Variants in ZC3H12B observed in about 807,000 individuals in gnomAD.
The protein encoded by ZC3H12B is probable ribonuclease ZC3H12B.
A neutral mutation model predicts 43.9 loss-of-function variants in ZC3H12B; 7 were observed. The ratio of observed to expected loss-of-function variants is 0.16; its 90% CI spans 0.09 to 0.30. The LOEUF (loss-of-function observed/expected upper bound fraction) is 0.30, where lower values mean the gene tolerates loss of function less well. ZC3H12B is among the 10% of genes least tolerant of loss of function. The pLI is 1.00. For missense variants in ZC3H12B, 475 were observed against 670.2 expected, an observed-to-expected ratio of 0.71 and a Z score of 3.22; for synonymous variants, 222 against 241.7, an observed-to-expected ratio of 0.92 and a Z score of 0.76.
chrX:65,058,670 A>C, the ZC3H12B span, among the ~76,000 whole-genome samples: 2 of 112,137 alleles, frequency 1.8e-5, no homozygotes, highest in East Asian at 5.6e-4. Flanking sequence ...CCCTGCCCAC[A>C]GAGGTGGAGT....
At chrX:65,278,903 G>T in the ZC3H12B span, among the ~76,000 whole-genome samples, 5 of 109,034 alleles carry the variant, frequency 4.6e-5, no homozygotes, top group South Asian at 4.0e-4. Context: ...GCAGTATTTG[G>T]TTTTCTATTT....
the ZC3H12B span, among the ~76,000 whole-genome samples, chrX:65,066,643 C>T: frequency 5.4e-5 from 6 of 112,137 alleles, no homozygotes; most frequent in African/African-American, 1.9e-4. Flanking sequence ...AGGTGGCAGT[C>T]TGTCCCTTAG....
chrX:65,342,419 T>C, the ZC3H12B span, among the ~76,000 whole-genome samples: 2 of 111,834 alleles, frequency 1.8e-5, no homozygotes, highest in East Asian at 5.6e-4. Context: ...CATAAAACAC[T>C]CTTTAGCAAA....
the ZC3H12B span, among the ~76,000 whole-genome samples, chrX:65,245,241 G>T: frequency 9.0e-6 from 1 of 111,370 alleles, no homozygotes; most frequent in Admixed American, 9.6e-5. Context: ...TGAAATTGAG[G>T]CAGTAAAAAA....
chrX:65,460,357 A>G (rs2067720139), intron 3 of ZC3H12B, among the ~76,000 whole-genome samples: 1 of 112,126 alleles, frequency 8.9e-6, no homozygotes, highest in African/African-American at 3.2e-5. Context: ...GGAAAAAGCT[A>G]CTTTAAAGTT....
the ZC3H12B span, among the ~76,000 whole-genome samples, chrX:65,291,331 C>T: frequency 2.1e-4 from 23 of 111,753 alleles, no homozygotes; most frequent in Admixed American, 1.5e-3. Context: ...GTGATTTTAA[C>T]GAGATATTTT....
chrX:65,161,206 A>G, the ZC3H12B span, among the ~76,000 whole-genome samples: 245 of 110,899 alleles, frequency 2.2e-3, no homozygotes, highest in Non-Finnish European at 3.9e-3. Context: ...TGGAATAGGT[A>G]TGGTGTGATG....
At chrX:65,214,756 G>T in the ZC3H12B span, among the ~76,000 whole-genome samples, 4 of 111,794 alleles carry the variant, frequency 3.6e-5, no homozygotes, top group East Asian at 8.4e-4. Context: ...ATTTGGGATG[G>T]TGATTTTTTT....
chrX:65,352,554 T>C, the ZC3H12B span, among the ~76,000 whole-genome samples: 2 of 111,621 alleles, frequency 1.8e-5, no homozygotes, highest in Non-Finnish European at 3.8e-5. Context: ...TAAAATCTTT[T>C]TGGAATTAAA....
intron 3 of ZC3H12B, among the ~76,000 whole-genome samples, chrX:65,404,258 G>A (rs1489479571): frequency 9.0e-6 from 1 of 111,380 alleles, no homozygotes; most frequent in South Asian, 3.7e-4. Flanking sequence ...AAAACAAAAA[G>A]CAAGATAAAT....
intron 3 of ZC3H12B, among the ~76,000 whole-genome samples, chrX:65,411,201 C>A (rs2066899383): frequency 8.9e-6 from 1 of 111,935 alleles, no homozygotes; most frequent in Non-Finnish European, 1.9e-5. Flanking sequence ...ATAAGCCAGG[C>A]ACAGACTGAG....
At chrX:65,350,480 A>C in the ZC3H12B span, among the ~76,000 whole-genome samples, 1 of 111,636 alleles carries the variant, frequency 9.0e-6, no homozygotes, top group Non-Finnish European at 1.9e-5. Context: ...TGGCCAGGGC[A>C]ATCAGGCAAG....
chrX:65,270,849 G>A, the ZC3H12B span: 1 of 111,425 alleles, frequency 9.0e-6, no homozygotes, highest in Non-Finnish European at 1.9e-5. Flanking sequence ...CCAAGCCCAT[G>A]AAGACCCAGC....
At chrX:65,278,476 C>T in the ZC3H12B span, among the ~76,000 whole-genome samples, 1 of 111,661 alleles carries the variant, frequency 9.0e-6, no homozygotes, top group Non-Finnish European at 1.9e-5. Flanking sequence ...CAGCTCAAGC[C>T]ATTGCTCTGC....
the ZC3H12B span, among the ~76,000 whole-genome samples, chrX:65,216,686 A>T: frequency 2.7e-5 from 3 of 111,777 alleles, no homozygotes; most frequent in African/African-American, 9.8e-5. Context: ...AGTGCAGTGC[A>T]GGGAGAGACT....
the ZC3H12B span, among the ~76,000 whole-genome samples, chrX:65,223,717 A>T: frequency 3.6e-5 from 4 of 112,243 alleles, no homozygotes; most frequent in Non-Finnish European, 7.5e-5. Flanking sequence ...CATATGAAGA[A>T]ATGCTCAACA....
intron 3 of ZC3H12B, among the ~76,000 whole-genome samples, chrX:65,463,683 T>C (rs929574206): frequency 1.8e-5 from 2 of 111,207 alleles, no homozygotes; most frequent in African/African-American, 6.5e-5. Flanking sequence ...TTACATCACC[T>C]TCTCTTTTGT....
intron 2 of ZC3H12B, among the ~76,000 whole-genome samples, chrX:65,390,858 G>A (rs1055609147): frequency 8.9e-6 from 1 of 111,967 alleles, no homozygotes; most frequent in Non-Finnish European, 1.9e-5. Flanking sequence ...CAACAAAATA[G>A]AAATAATATC....
the ZC3H12B span, chrX:65,357,097 C>A: frequency 1.9e-6 from 1 of 525,862 alleles, no homozygotes; most frequent in African/African-American, 2.3e-5. Context: ...CCACCACAAG[C>A]TCCAAAGGCT....
Sources: allele counts gnomAD v4.1 joint callset (sites outside exome capture counted in the v4.1 genomes callset), GRCh38; gene constraint gnomAD v4.1.1; transcripts MANE v1.5; gene names NCBI Gene and HGNC (gene_info 2026-07-23, HGNC 2026-07-21).